The following OXR1 variants were observed in gnomAD, a reference collection of about 807,000 sequenced individuals.
OXR1 encodes the protein oxidation resistance protein 1.
Under a neutral mutation model 104.6 loss-of-function variants are expected in OXR1, and 41 were observed. The observed-to-expected ratio is 0.39, with a 90% CI of 0.31 to 0.51. OXR1 has a LOEUF of 0.51. Among genes scored for constraint, OXR1 ranks in the 20% least tolerant of loss-of-function variants. The probability of loss-of-function intolerance (pLI) is 0.77; values close to 1 mark genes in which losing one functional copy is unlikely to be tolerated. For synonymous variants in OXR1, 348 were observed against 348.4 expected, an observed-to-expected ratio of 1.00 and a Z score of 0.01; for missense variants, 955 against 1,031.9, an observed-to-expected ratio of 0.93 and a Z score of 1.02.
intron 16 of OXR1, among the ~76,000 whole-genome samples, chr8:106,747,786 A>G (rs1835514812): frequency 1.3e-5 from 2 of 152,206 alleles, no homozygotes; most frequent in South Asian, 4.1e-4. Flanking sequence ...GAAAGCTTCT[A>G]CTCAGGGCTT....
intron 1 of OXR1, among the ~76,000 whole-genome samples, chr8:106,349,999 G>A (rs745810045): frequency 2.0e-5 from 3 of 152,108 alleles, no homozygotes; most frequent in Non-Finnish European, 4.4e-5. Context: ...GAAGGCTGTG[G>A]GTATAGGGTA....
At chr8:106,634,824 G>C (rs1822998075) in intron 3 of OXR1, among the ~76,000 whole-genome samples, 1 of 150,514 alleles carries the variant, frequency 6.6e-6, no homozygotes, top group Non-Finnish European at 1.5e-5. Context: ...TCTGTAACAA[G>C]CTCTTGGCAT....
intron 3 of OXR1, among the ~76,000 whole-genome samples, chr8:106,577,682 G>A (rs1375937334): frequency 6.6e-6 from 1 of 152,030 alleles, no homozygotes; most frequent in Non-Finnish European, 1.5e-5. Flanking sequence ...GAGCTACTGC[G>A]CCCGGCCAAA....
At chr8:106,314,267 C>G (rs887005140) in intron 1 of OXR1, among the ~76,000 whole-genome samples, 1 of 152,058 alleles carries the variant, frequency 6.6e-6, no homozygotes, top group South Asian at 2.1e-4. Flanking sequence ...CATTGCAAAC[C>G]GAAGTTCACT....
At chr8:106,481,253 T>C (rs2129745961) in intron 2 of OXR1, among the ~76,000 whole-genome samples, 1 of 152,118 alleles carries the variant, frequency 6.6e-6, no homozygotes, top group African/African-American at 2.4e-5. Flanking sequence ...TGGGAAGGCC[T>C]TACCATGAAG....
At chr8:106,436,849 A>G (rs984415817) in intron 2 of OXR1, among the ~76,000 whole-genome samples, 2 of 152,060 alleles carry the variant, frequency 1.3e-5, no homozygotes, top group Admixed American at 1.3e-4. Context: ...ATTGAGTGTC[A>G]TTTTCCTTGA....
chr8:106,385,728 T>C (rs986624514), intron 2 of OXR1, among the ~76,000 whole-genome samples: 2 of 152,192 alleles, frequency 1.3e-5, no homozygotes, highest in African/African-American at 2.4e-5. Flanking sequence ...ATCAGGTTTC[T>C]AGATGGCCTT....
At chr8:106,603,738 A>G (rs1027076522) in intron 3 of OXR1, among the ~76,000 whole-genome samples, 1 of 152,188 alleles carries the variant, frequency 6.6e-6, no homozygotes, top group Non-Finnish European at 1.5e-5. Context: ...TTAGAAAGCA[A>G]GTCTGTAAAA....
At chr8:106,545,811 A>G (rs1815310606) in intron 3 of OXR1, among the ~76,000 whole-genome samples, 1 of 151,052 alleles carries the variant, frequency 6.6e-6, no homozygotes. Context: ...TAGCCTGGTG[A>G]GCATGCAAAA....
intron 1 of OXR1, among the ~76,000 whole-genome samples, chr8:106,334,496 C>G (rs1307372727): frequency 6.6e-6 from 1 of 152,264 alleles, no homozygotes; most frequent in African/African-American, 2.4e-5. Context: ...CATCCTTTCT[C>G]GTTCCTGATC....
At chr8:106,291,086 A>G (rs965904388) in intron 1 of OXR1, among the ~76,000 whole-genome samples, 3 of 152,216 alleles carry the variant, frequency 2.0e-5, no homozygotes, top group African/African-American at 7.2e-5. Context: ...ATTATGGTAC[A>G]TATACATCAT....
At chr8:106,613,831 C>T (rs1033699601) in intron 3 of OXR1, among the ~76,000 whole-genome samples, 4 of 152,222 alleles carry the variant, frequency 2.6e-5, no homozygotes, top group Admixed American at 6.5e-5. Flanking sequence ...TAACCTTTCT[C>T]ACAGAAAAAC....
chr8:106,642,176 G>A (rs767416903), intron 3 of OXR1, among the ~76,000 whole-genome samples: 54 of 152,160 alleles, frequency 3.5e-4, no homozygotes, highest in Non-Finnish European at 7.6e-4. Flanking sequence ...CAGGGATACA[G>A]TGAAAGAACA....
At chr8:106,352,571 A>G (rs1046460726) in intron 1 of OXR1, among the ~76,000 whole-genome samples, 30 of 152,196 alleles carry the variant, frequency 2.0e-4, no homozygotes, top group African/African-American at 6.0e-4. Flanking sequence ...TACAAACTCA[A>G]TCTCCTTCAG....
At chr8:106,680,166 T>C (rs926148149) in intron 4 of OXR1, among the ~76,000 whole-genome samples, 2 of 152,102 alleles carry the variant, frequency 1.3e-5, no homozygotes, top group Non-Finnish European at 1.5e-5. Context: ...TGTGAGATTT[T>C]AAATATTTTT....
chr8:106,288,226 AAG>A (rs1055399537), intron 1 of OXR1, among the ~76,000 whole-genome samples: 2 of 152,190 alleles, frequency 1.3e-5, no homozygotes, highest in Admixed American at 1.3e-4. Context: ...TTGTGAAATT[AAG>A]AGAGAGCTGG....
intron 2 of OXR1, among the ~76,000 whole-genome samples, chr8:106,481,260 G>T (rs1822097173): frequency 6.6e-6 from 1 of 151,968 alleles, no homozygotes; most frequent in African/African-American, 2.4e-5. Flanking sequence ...GCCTTACCAT[G>T]AAGCTGTATA....
intron 1 of OXR1, among the ~76,000 whole-genome samples, chr8:106,323,487 C>G (rs145592101): frequency 0.015 from 2,318 of 152,094 alleles, 63 homozygotes; most frequent in African/African-American, 0.053. Context: ...AAAGCAATTG[C>G]AACAAAAGCA....
chr8:106,522,096 A>C (rs547593541), intron 3 of OXR1, among the ~76,000 whole-genome samples: 1 of 152,324 alleles, frequency 6.6e-6, no homozygotes, highest in South Asian at 2.1e-4. Context: ...AGGATTTTCA[A>C]ATAAAAAATA....
Sources: allele counts gnomAD v4.1 joint callset (sites outside exome capture counted in the v4.1 genomes callset), GRCh38; gene constraint gnomAD v4.1.1; transcripts MANE v1.5; gene names NCBI Gene and HGNC (gene_info 2026-07-23, HGNC 2026-07-21).